The following VEZT variants were observed in gnomAD, a reference collection of about 807,000 sequenced individuals.
The protein encoded by VEZT is vezatin, adherens junctions transmembrane protein, also known as vezatin.
VEZT carries 39 observed loss-of-function variants against 79.9 expected under a neutral mutation model. That is an observed-to-expected ratio of 0.49 (90% CI 0.38 to 0.64). The LOEUF is 0.64. Ranked by LOEUF, VEZT falls within the 30% of genes least tolerant of loss-of-function variation. The probability of loss-of-function intolerance (pLI) is 0.00; values close to 1 mark genes in which losing one functional copy is unlikely to be tolerated. For synonymous variants in VEZT, 325 were observed against 327.6 expected (o/e 0.99, Z 0.09); for missense variants, 837 against 893.1 (o/e 0.94, Z 0.80).
At chr12:95,228,436 A>G (rs1378690905) in intron 1 of VEZT, among the ~76,000 whole-genome samples, 1 of 152,104 alleles carries the variant, frequency 6.6e-6, no homozygotes, top group East Asian at 1.9e-4. Flanking sequence ...CATGGACAGT[A>G]TTTGCTATTT....
intron 7 of VEZT, among the ~76,000 whole-genome samples, chr12:95,277,060 C>A (rs1398959222): frequency 6.6e-6 from 1 of 152,104 alleles, no homozygotes; most frequent in South Asian, 2.1e-4. Flanking sequence ...CTAGTCCCAG[C>A]CACCATCATT....
intron 1 of VEZT, among the ~76,000 whole-genome samples, chr12:95,218,843 A>G (rs2057125689): frequency 6.6e-6 from 1 of 152,222 alleles, no homozygotes; most frequent in South Asian, 2.1e-4. Context: ...ATCTTTAACT[A>G]TGAATTGGAT....
intron 1 of VEZT, among the ~76,000 whole-genome samples, chr12:95,249,558 G>A (rs983329807): frequency 2.0e-4 from 30 of 152,222 alleles, no homozygotes; most frequent in African/African-American, 5.3e-4. Context: ...ATTAAACATA[G>A]CTTAAAAGAA....
chr12:95,233,018 C>T (rs2059484942), intron 1 of VEZT, among the ~76,000 whole-genome samples: 1 of 152,138 alleles, frequency 6.6e-6, no homozygotes, highest in Non-Finnish European at 1.5e-5. Flanking sequence ...GTTGCTCAGA[C>T]TGGTCTCAAA....
At position 95,302,282 on chromosome 12, in the gene VEZT, C is replaced by A. The variant is rs1277032112; in HGVS notation, c.*1609C>A. On this transcript the variant is annotated 3_prime_UTR_variant, in exon 12 of 12. Transcript: ENST00000436874. Reference sequence around the variant, plus strand: ...AATTAGAGTTTAATAATTTTTAATTCTTTTATTGTATGTTACTTTTATTAC... The same window carrying A: ...AATTAGAGTTTAATAATTTTTAATTATTTTATTGTATGTTACTTTTATTAC... The A allele has an allele frequency of 1.3e-5, 2 of 152,070 alleles. No homozygotes were observed. Among genetic ancestry groups the A allele is most frequent in the African/African-American group, 2.4e-5 (1 of 41,428 alleles). 9.4% of individuals were successfully genotyped at this position (152,070 alleles called of 1,614,324 possible).
At chr12:95,221,888 A>G (rs992244630) in intron 1 of VEZT, among the ~76,000 whole-genome samples, 8 of 152,272 alleles carry the variant, frequency 5.3e-5, no homozygotes, top group South Asian at 4.1e-4. Context: ...AAATAAAAAA[A>G]CTATACAGGA....
intron 1 of VEZT, among the ~76,000 whole-genome samples, chr12:95,233,368 G>A (rs11107945): frequency 0.1 from 15,787 of 151,612 alleles, 914 homozygotes; most frequent in African/African-American, 0.15. Context: ...AATCACTTTC[G>A]TATATTTTCT....
intron 3 of VEZT, 83 bp downstream of exon 3, chr12:95,257,322 T>C: frequency 9.0e-7 from 1 of 1,114,134 alleles, no homozygotes; most frequent in Non-Finnish European, 1.3e-6. Flanking sequence ...TGTTTTGCTA[T>C]CAATTTGGCC....
At chr12:95,260,098 C>CTTTT (rs56756447) in intron 3 of VEZT, among the ~76,000 whole-genome samples, 18 of 68,518 alleles carry the variant, frequency 2.6e-4, no homozygotes, top group Admixed American at 3.8e-4. Flanking sequence ...TGGTTGATCA[C>CTTTT]TTTTTTTTTT....
rs2075073659 is a variant in VEZT at position 95,300,466 on chromosome 12, T to G, written c.2133T>G (p.Pro711=). ...QADGSGLTTA[P]PTPRDSLQPS... ...ATGGAAGTGGTCTGACCACTGCCCC[T>G]CCAACTCCCAGGGACTCATTACAGC... Residue 711 remains proline, a synonymous_variant, in exon 12 of 12, where the codon CCT becomes CCG. Coordinates refer to ENST00000436874, the MANE Select transcript of VEZT (RefSeq NM_017599.4). 1.2e-6 allele frequency: 2 copies of G among 1,613,926 alleles called. No homozygotes were observed. Among genetic ancestry groups the G allele is most frequent in the Non-Finnish European group, 1.7e-6 (2 of 1,179,854 alleles).
At chr12:95,259,237 A>G (rs1403715352) in intron 3 of VEZT, among the ~76,000 whole-genome samples, 1 of 149,552 alleles carries the variant, frequency 6.7e-6, no homozygotes, top group Non-Finnish European at 1.5e-5. Flanking sequence ...AAGCACTCCT[A>G]GCTTTTTCTC....
Position 95,266,350 on chromosome 12 carries a change from T to C in VEZT, c.435-7T>C. 6.2e-7 allele frequency: 1 copy of C among 1,603,814 alleles called. No individual in the cohort carries two copies. The highest frequency in any genetic ancestry group is 8.5e-7 in the Non-Finnish European group (1 of 1,172,712). ...TGCATATCATTTTCTTCCTTTCTTG[T>C]TCCCAGGGATCTCTCAATGCTATTT... On this transcript the variant is annotated splice_region_variant and splice_polypyrimidine_tract_variant and intron_variant, in intron 4 of 11. Coordinates refer to ENST00000436874, the MANE Select transcript of VEZT (RefSeq NM_017599.4).
At position 95,301,203 on chromosome 12, in the gene VEZT, T is replaced by C. The variant is rs1293173509; in HGVS notation, c.*530T>C. 6.6e-6 allele frequency: 1 copy of C among 152,218 alleles called. No homozygotes were observed. Among genetic ancestry groups the C allele is most frequent in the East Asian group, 1.9e-4 (1 of 5,198 alleles). The allele number at this position is 152,218 out of a possible 1,614,324, so 9.4% of individuals were successfully genotyped here. A position where few individuals can be genotyped will look rare whatever the true frequency, so the allele number is the denominator to read the frequency against. On this transcript the variant is annotated 3_prime_UTR_variant, in exon 12 of 12. Transcript: ENST00000436874. ...GTGTGCTGGGGTTTGGAACTAAAAG[T>C]AGTTTCAACAGTGCGTGGGTTATGA...
At chr12:95,271,672 G>A (rs182458984) in intron 6 of VEZT, among the ~76,000 whole-genome samples, 1 of 152,240 alleles carries the variant, frequency 6.6e-6, no homozygotes, top group South Asian at 2.1e-4. Context: ...CTAATCACTA[G>A]ACGTACAGTG....
intron 1 of VEZT, chr12:95,218,172 A>C: frequency 3.4e-6 from 1 of 297,994 alleles, no homozygotes; most frequent in East Asian, 5.5e-5. Context: ...CTTCCTGGGA[A>C]TGGATGTGCG....
intron 4 of VEZT, among the ~76,000 whole-genome samples, chr12:95,265,408 T>C (rs1220135960): frequency 6.7e-6 from 1 of 150,306 alleles, no homozygotes. Flanking sequence ...GTGTGTATCA[T>C]TTCTAATTGG....
At chr12:95,231,797 T>C (rs2059312498) in intron 1 of VEZT, among the ~76,000 whole-genome samples, 1 of 152,190 alleles carries the variant, frequency 6.6e-6, no homozygotes, top group South Asian at 2.1e-4. Context: ...TAATTTCAGA[T>C]TATATTTTGT....
rs1257215441 is a variant in VEZT at position 95,302,292 on chromosome 12, A to G, written c.*1619A>G. ...TAATAATTTTTAATTCTTTTATTGT[A>G]TGTTACTTTTATTACACCAGTTTGG... is the stretch of plus-strand genomic sequence containing the variant. On this transcript the variant is annotated 3_prime_UTR_variant, in exon 12 of 12. Transcript: ENST00000436874. The G allele has an allele frequency of 6.6e-6, 1 of 152,184 alleles. No individual in the cohort carries two copies. Among genetic ancestry groups the G allele is most frequent in the Non-Finnish European group, 1.5e-5 (1 of 68,012 alleles). The allele number at this position is 152,184 out of a possible 1,614,324, so 9.4% of individuals were successfully genotyped here. A position where few individuals can be genotyped will look rare whatever the true frequency, so the allele number is the denominator to read the frequency against.
At chr12:95,229,873 T>G (rs1565989572) in intron 1 of VEZT, among the ~76,000 whole-genome samples, 1 of 152,110 alleles carries the variant, frequency 6.6e-6, no homozygotes, top group Non-Finnish European at 1.5e-5. Context: ...GCGGATCGCC[T>G]GGGGTCAGGA....
Sources: gnomAD v4.1 joint callset for allele counts (sites outside exome capture counted in the v4.1 genomes callset) on GRCh38, gnomAD v4.1.1 for gene constraint, MANE v1.5 for transcripts, NCBI Gene and HGNC (gene_info 2026-07-23, HGNC 2026-07-21) for gene names.